Variants in SPECC1 observed in about 807,000 individuals in gnomAD.
The protein encoded by SPECC1 is cytospin-B.
A neutral mutation model predicts 104.1 loss-of-function variants in SPECC1; 62 were observed. The ratio of observed to expected loss-of-function variants is 0.60; its 90% CI spans 0.49 to 0.74. The LOEUF (loss-of-function observed/expected upper bound fraction) is 0.74. Among genes scored for constraint, SPECC1 ranks in the 30% least tolerant of loss-of-function variants. The probability of loss-of-function intolerance (pLI) is 0.00; values close to 1 mark genes in which losing one functional copy is unlikely to be tolerated. For synonymous variants in SPECC1, 513 were observed against 501.6 expected (o/e 1.02, Z -0.30); for missense variants, 1,306 against 1,310.5 (o/e 1.00, Z 0.05).
intron 9 of SPECC1, among the ~76,000 whole-genome samples, chr17:20,248,248 C>G (rs1029568066): frequency 1.3e-5 from 2 of 152,154 alleles, no homozygotes; most frequent in South Asian, 4.1e-4. Flanking sequence ...CCTTCCAGAT[C>G]CTCTGAGAAG....
At chr17:20,312,520 CTT>C (rs1236298986) in intron 14 of SPECC1, among the ~76,000 whole-genome samples, 3 of 152,142 alleles carry the variant, frequency 2.0e-5, no homozygotes, top group Non-Finnish European at 4.4e-5. Flanking sequence ...TGCCATCTCT[CTT>C]GTGTTTGTAG....
At chr17:20,111,627 G>A (rs2048495377) in intron 3 of SPECC1, among the ~76,000 whole-genome samples, 1 of 152,234 alleles carries the variant, frequency 6.6e-6, no homozygotes, top group Non-Finnish European at 1.5e-5. Context: ...TAGGGGCAGG[G>A]TGGGAATGAG....
intron 3 of SPECC1, among the ~76,000 whole-genome samples, chr17:20,126,789 G>A (rs545388719): frequency 7.9e-5 from 12 of 152,344 alleles, no homozygotes; most frequent in African/African-American, 2.6e-4. Context: ...TAAATATGAT[G>A]CAGAAAGTTG....
chr17:20,055,715 A>T (rs2045937294), intron 1 of SPECC1, among the ~76,000 whole-genome samples: 1 of 152,208 alleles, frequency 6.6e-6, no homozygotes, highest in Non-Finnish European at 1.5e-5. Context: ...GTCTTTGGGG[A>T]TGAGGGTTCT....
intron 3 of SPECC1, among the ~76,000 whole-genome samples, chr17:20,194,466 A>G (rs952575526): frequency 1.4e-5 from 2 of 147,858 alleles, no homozygotes; most frequent in Non-Finnish European, 3.0e-5. Context: ...AACATAACCA[A>G]TTTCTCCAAT....
chr17:20,130,902 G>A (rs7223505), intron 3 of SPECC1, among the ~76,000 whole-genome samples: 2,436 of 152,134 alleles, frequency 0.016, 48 homozygotes, highest in African/African-American at 0.054. Context: ...TCTTTCATCA[G>A]CATTTTGTAG....
intron 1 of SPECC1, among the ~76,000 whole-genome samples, chr17:20,034,988 C>T (rs911589133): frequency 1.3e-5 from 2 of 152,168 alleles, no homozygotes; most frequent in South Asian, 2.1e-4. Context: ...GTGTGAGGTT[C>T]AGGTTCATCT....
chr17:20,147,715 CTAAT>C (rs971102007), intron 3 of SPECC1, among the ~76,000 whole-genome samples: 3 of 152,076 alleles, frequency 2.0e-5, no homozygotes, highest in African/African-American at 7.2e-5. Context: ...AAGGTTTTTA[CTAAT>C]TAAAGTTTAA....
At chr17:20,024,889 G>C (rs1019447329) in intron 1 of SPECC1, among the ~76,000 whole-genome samples, 1 of 152,110 alleles carries the variant, frequency 6.6e-6, no homozygotes, top group African/African-American at 2.4e-5. Context: ...CCTAAACCTT[G>C]TAATTAGTTC....
intron 12 of SPECC1, among the ~76,000 whole-genome samples, chr17:20,279,926 A>T (rs920735482): frequency 2.0e-5 from 3 of 152,148 alleles, no homozygotes; most frequent in Non-Finnish European, 4.4e-5. Flanking sequence ...GGGTCTGAGG[A>T]TGCTTCAGTG....
At chr17:20,288,076 T>C (rs1598146532) in intron 12 of SPECC1, among the ~76,000 whole-genome samples, 1 of 152,302 alleles carries the variant, frequency 6.6e-6, no homozygotes, top group South Asian at 2.1e-4. Context: ...TGTACTAGTT[T>C]GCTGAGGAAA....
chr17:20,168,251 C>A (rs1446807057), intron 3 of SPECC1, among the ~76,000 whole-genome samples: 1 of 152,046 alleles, frequency 6.6e-6, no homozygotes, highest in African/African-American at 2.4e-5. Context: ...TCCAACCATG[C>A]ATTTAAAAAA....
intron 3 of SPECC1, among the ~76,000 whole-genome samples, chr17:20,179,034 A>G (rs2034673430): frequency 6.6e-6 from 1 of 152,272 alleles, no homozygotes; most frequent in Non-Finnish European, 1.5e-5. Context: ...AGGAACTAAT[A>G]TAAATCTTCT....
chr17:20,267,948 C>G (rs2040272239), intron 12 of SPECC1, among the ~76,000 whole-genome samples: 1 of 152,142 alleles, frequency 6.6e-6, no homozygotes. Flanking sequence ...GAATTCAGCT[C>G]TAAGTCTCTC....
At chr17:20,038,815 T>C (rs761002533) in intron 1 of SPECC1, among the ~76,000 whole-genome samples, 17 of 152,264 alleles carry the variant, frequency 1.1e-4, no homozygotes, top group Non-Finnish European at 2.4e-4. Flanking sequence ...AGAAATGTGC[T>C]GTCCAGTTTT....
At chr17:20,188,456 C>A (rs1470975763) in intron 3 of SPECC1, among the ~76,000 whole-genome samples, 1 of 152,026 alleles carries the variant, frequency 6.6e-6, no homozygotes, top group East Asian at 1.9e-4. Context: ...CGGGGTTTCA[C>A]CATGTTGGCT....
intron 1 of SPECC1, among the ~76,000 whole-genome samples, chr17:20,033,715 G>GGA (rs2044925273): frequency 6.6e-6 from 1 of 152,160 alleles, no homozygotes; most frequent in Non-Finnish European, 1.5e-5. Flanking sequence ...AAACCATTCA[G>GGA]GAGGGATATG....
chr17:20,303,826 G>A (rs879316332), intron 13 of SPECC1, among the ~76,000 whole-genome samples: 43 of 152,020 alleles, frequency 2.8e-4, no homozygotes, highest in Admixed American at 6.5e-4. Context: ...GGTAGTGGGC[G>A]CGTGTAGTCC....
Position 20,096,814 on chromosome 17 carries a change from C to A in SPECC1, c.147+16C>A. 1 of 1,607,802 alleles carries A rather than the reference C, an allele frequency of 6.2e-7. No individual in the cohort carries two copies. Among genetic ancestry groups the A allele is most frequent in the South Asian group, 1.1e-5 (1 of 90,584 alleles). ...ACTCAGCAGGGTATGGATCAAAATG[C>A]ACAGGGCCAGGCAGAGCGCCTGGAT... On this transcript the variant is annotated intron_variant, in intron 2 of 14. Coordinates refer to ENST00000395527, the MANE Select transcript of SPECC1 (RefSeq NM_001243439.2).
Sources: gnomAD v4.1 joint callset for allele counts (sites outside exome capture counted in the v4.1 genomes callset) on GRCh38, gnomAD v4.1.1 for gene constraint, MANE v1.5 for transcripts, NCBI Gene and HGNC (gene_info 2026-07-23, HGNC 2026-07-21) for gene names.